CNTNAP3B: variants seen among roughly 807,000 people sequenced by gnomAD.
The protein encoded by CNTNAP3B is contactin-associated protein-like 3B.
In CNTNAP3B, 25 loss-of-function variants were observed where a neutral mutation model predicts 108.9. The observed-to-expected ratio is 0.23, with a 90% CI of 0.17 to 0.32. CNTNAP3B has a LOEUF of 0.32. Ranked by LOEUF, CNTNAP3B falls within the 10% of genes least tolerant of loss-of-function variation. The probability of loss-of-function intolerance (pLI) is 1.00; values close to 1 mark genes in which losing one functional copy is unlikely to be tolerated. For missense variants in CNTNAP3B, 252 were observed against 1,210.4 expected (o/e 0.21, Z 11.75); for synonymous variants, 103 against 473.4 (o/e 0.22, Z 10.16).
intron 14 of CNTNAP3B, among the ~76,000 whole-genome samples, chr9:41,931,539 A>C (rs1457579844): frequency 6.6e-6 from 1 of 152,172 alleles, no homozygotes; most frequent in South Asian, 2.1e-4. Flanking sequence ...TTATTCCCTG[A>C]AAAAATACAC....
intron 10 of CNTNAP3B, among the ~76,000 whole-genome samples, chr9:41,967,344 G>T (rs1216967871): frequency 6.6e-6 from 1 of 152,180 alleles, no homozygotes; most frequent in African/African-American, 2.4e-5. Context: ...ATAAAGGGGA[G>T]TTTCCCTGCA....
chr9:41,950,242 C>T (rs1410720037), intron 13 of CNTNAP3B, among the ~76,000 whole-genome samples: 9 of 44,906 alleles, frequency 2.0e-4, no homozygotes, highest in African/African-American at 6.2e-4. Context: ...AGTCACAACA[C>T]CAAATGCGGA....
intron 13 of CNTNAP3B, among the ~76,000 whole-genome samples, 170 bp downstream of exon 13, chr9:41,953,013 G>A (rs1252392281): frequency 2.0e-5 from 3 of 152,278 alleles, no homozygotes; most frequent in East Asian, 3.8e-4. Flanking sequence ...AGGCGCTCTT[G>A]AATGCTCTTT....
chr9:42,031,760 A>C (rs1414470083), intron 3 of CNTNAP3B, among the ~76,000 whole-genome samples: 1 of 90,684 alleles, frequency 1.1e-5, no homozygotes, highest in Non-Finnish European at 2.3e-5. Flanking sequence ...AAATGTGATA[A>C]ATGTAAAACA....
intron 1 of CNTNAP3B, among the ~76,000 whole-genome samples, chr9:42,105,712 G>A (rs1455067105): frequency 3.1e-5 from 3 of 97,374 alleles, no homozygotes; most frequent in Admixed American, 1.1e-4. Flanking sequence ...TCTGAGTCCC[G>A]CAGTCCAATC....
At chr9:42,040,383 CA>C in intron 3 of CNTNAP3B, among the ~76,000 whole-genome samples, 2 of 97,942 alleles carry the variant, frequency 2.0e-5, no homozygotes, top group Admixed American at 1.1e-4. Flanking sequence ...ACAACTTCAG[CA>C]AAGTCTCAGG....
intron 13 of CNTNAP3B, among the ~76,000 whole-genome samples, chr9:41,940,270 C>T (rs1314722163): frequency 1.3e-5 from 2 of 152,294 alleles, no homozygotes; most frequent in Non-Finnish European, 1.5e-5. Flanking sequence ...AAAGGATAAA[C>T]CCAAAAATAT....
rs1204423142 is a variant in CNTNAP3B at position 42,127,690 on chromosome 9, G to C, written c.85+1320C>G. On this transcript the variant is annotated intron_variant, in intron 1 of 23. Coordinates refer to ENST00000377561, the MANE Select transcript of CNTNAP3B (RefSeq NM_001201380.3). ...ACAAAAGCAGATTAAAGTTGAATCT[G>C]AAACACGGTACAGCATCTGACCAAA... 1.4e-5 allele frequency among the ~76,000 whole-genome samples: 2 copies of C among 139,792 alleles called. 1 individual carries two copies. The highest frequency in any genetic ancestry group is 5.7e-5 in the African/African-American group (2 of 35,256). The allele number at this position is 139,792 out of a possible 152,430, so 91.7% of individuals were successfully genotyped here. A position where few individuals can be genotyped will look rare whatever the true frequency, so the allele number is the denominator to read the frequency against.
At chr9:41,997,309 ATGCT>A (rs202098665) in intron 6 of CNTNAP3B, among the ~76,000 whole-genome samples, 3,424 of 147,206 alleles carry the variant, frequency 0.023, 38 homozygotes, top group East Asian at 0.19. Context: ...TTTAATAACA[ATGCT>A]TGCTACCTTG....
chr9:41,937,914 T>C (rs1377946018), intron 14 of CNTNAP3B: 2 of 243,464 alleles, frequency 8.2e-6, no homozygotes, highest in African/African-American at 2.3e-5. Context: ...CTTTTTGAAT[T>C]GCCACATGAA....
rs1204125552 is a variant in CNTNAP3B at position 41,925,033 on chromosome 9, C to T, written c.2366-940G>A. 4.1e-4 allele frequency among the ~76,000 whole-genome samples: 63 copies of T among 151,822 alleles called. No homozygotes were observed. In the East Asian group the frequency reaches 0.011, roughly 27 times the overall value. Reference sequence around the variant, plus strand: ...GGCAGCAATGCTGATAAGCCCATCACTGGTCCTGTTAGTTTCAACTGCCTT... The same window carrying T: ...GGCAGCAATGCTGATAAGCCCATCATTGGTCCTGTTAGTTTCAACTGCCTT... On this transcript the variant is annotated intron_variant, in intron 15 of 23. Transcript: ENST00000377561.
intron 14 of CNTNAP3B, among the ~76,000 whole-genome samples, chr9:41,934,184 C>CATATATATAT (rs1240048584): frequency 2.3e-4 from 19 of 83,120 alleles, no homozygotes; most frequent in South Asian, 4.8e-4. Flanking sequence ...TATACACACA[C>CATATATATAT]ACACATATAT....
intron 2 of CNTNAP3B, among the ~76,000 whole-genome samples, chr9:42,095,625 C>A (rs1186321576): frequency 7.2e-6 from 1 of 138,012 alleles, no homozygotes; most frequent in African/African-American, 2.9e-5. Context: ...AATGTAACTT[C>A]ATTTCTCCAT....
At chr9:41,936,201 CG>C (rs1824151659) in intron 14 of CNTNAP3B, among the ~76,000 whole-genome samples, 1 of 152,290 alleles carries the variant, frequency 6.6e-6, no homozygotes, top group Non-Finnish European at 1.5e-5. Context: ...CGCTTGAATC[CG>C]GGAGGCGCAG....
intron 13 of CNTNAP3B, among the ~76,000 whole-genome samples, chr9:41,939,483 C>G (rs1824266115): frequency 6.8e-6 from 1 of 147,604 alleles, no homozygotes; most frequent in African/African-American, 2.5e-5. Flanking sequence ...CTATCTATCA[C>G]CTGCCCCTCT....
intron 13 of CNTNAP3B, among the ~76,000 whole-genome samples, chr9:41,940,746 C>G (rs1253439426): frequency 1.3e-5 from 2 of 152,050 alleles, no homozygotes; most frequent in African/African-American, 2.4e-5. Flanking sequence ...ACCCGGGAGG[C>G]GGAGCCTGCA....
At chr9:41,926,575 C>T (rs1199409168) in intron 15 of CNTNAP3B, 1 of 152,300 alleles carries the variant, frequency 6.6e-6, no homozygotes, top group Non-Finnish European at 1.5e-5. Context: ...GATCATCTCA[C>T]CTAAGCCTTC....
At chr9:42,079,775 C>T (rs561425540) in intron 2 of CNTNAP3B, among the ~76,000 whole-genome samples, 1 of 138,774 alleles carries the variant, frequency 7.2e-6, no homozygotes, top group South Asian at 2.3e-4. Context: ...CCACCTCAGC[C>T]TCCCAAAGTG....
chr9:41,995,624 G>C lies in CNTNAP3B; in HGVS notation c.1071+581C>G, dbSNP rs1441048330. 5.0e-5 allele frequency among the ~76,000 whole-genome samples: 6 copies of C among 119,906 alleles called. 1 individual carries two copies. Among genetic ancestry groups the C allele is most frequent in the Non-Finnish European group, 1.0e-4 (6 of 58,244 alleles). 78.7% of individuals were successfully genotyped at this position (119,906 alleles called of 152,430 possible). A position where few individuals can be genotyped will look rare whatever the true frequency, so the allele number is the denominator to read the frequency against. On this transcript the variant is annotated intron_variant, in intron 7 of 23. Transcript: ENST00000377561. ...TGGGCACCTGTAGTCCCAGGTACTC[G>C]GGAGGCTGAGGCGGGAGAATGGCGT...
Sources: allele counts gnomAD v4.1 joint callset (sites outside exome capture counted in the v4.1 genomes callset), GRCh38; gene constraint gnomAD v4.1.1; transcripts MANE v1.5; gene names NCBI Gene and HGNC (gene_info 2026-07-23, HGNC 2026-07-21).